Variants in BNC2 observed in about 807,000 individuals in gnomAD.
BNC2 encodes the protein basonuclin zinc finger protein 2.
Under a neutral mutation model 76.3 loss-of-function variants are expected in BNC2, and 20 were observed. That is an observed-to-expected ratio of 0.26 (90% confidence interval 0.18 to 0.38). BNC2 has a LOEUF of 0.38. Among genes scored for constraint, BNC2 ranks in the 10% least tolerant of loss-of-function variants. BNC2 has a pLI of 1.00. For missense variants in BNC2, 1,382 were observed against 1,399.8 expected (o/e 0.99, Z 0.20); for synonymous variants, 582 against 514.8 (o/e 1.13, Z -1.77).
intron 5 of BNC2, among the ~76,000 whole-genome samples, chr9:16,448,993 G>A (rs576626815): frequency 5.9e-5 from 9 of 152,098 alleles, no homozygotes; most frequent in South Asian, 2.1e-4. Flanking sequence ...ATATTTTATT[G>A]GGCCACAAAA....
intron 4 of BNC2, among the ~76,000 whole-genome samples, chr9:16,561,913 A>G (rs1229740284): frequency 6.6e-6 from 1 of 152,090 alleles, no homozygotes; most frequent in Admixed American, 6.6e-5. Context: ...CTGAGGTGGG[A>G]GGATCACTTG....
chr9:16,503,650 G>T (rs570055618), intron 5 of BNC2, among the ~76,000 whole-genome samples: 1 of 152,126 alleles, frequency 6.6e-6, no homozygotes, highest in Non-Finnish European at 1.5e-5. Flanking sequence ...TGATAATCTG[G>T]AAGAGTGGAC....
At chr9:16,667,998 A>T (rs961534799) in intron 3 of BNC2, among the ~76,000 whole-genome samples, 1 of 152,168 alleles carries the variant, frequency 6.6e-6, no homozygotes, top group Non-Finnish European at 1.5e-5. Flanking sequence ...TTATCACATC[A>T]AGCAATTATT....
In BNC2 at chr9:16,409,929, AAAAAGGAAT is replaced by A. The variant is rs1434458681; in HGVS notation, c.*9051_*9059del. On this transcript the variant is annotated 3_prime_UTR_variant, in exon 7 of 7. Transcript: ENST00000380672. ...TGCAGATGAGAACAATATAAACAAA[AAAAAGGAAT>A]AAACAGCTAAACTCTGGGAGAGGGA... 2 of 152,490 alleles carry A rather than the reference AAAAAGGAAT, an allele frequency of 1.3e-5. No homozygotes were observed. The highest frequency in any genetic ancestry group is 2.9e-5 in the Non-Finnish European group (2 of 68,034). The allele number at this position is 152,490 out of a possible 1,614,324, so 9.4% of individuals were successfully genotyped here. A position where few individuals can be genotyped will look rare whatever the true frequency, so the allele number is the denominator to read the frequency against.
intron 3 of BNC2, among the ~76,000 whole-genome samples, chr9:16,627,310 A>T (rs1821026088): frequency 6.6e-6 from 1 of 152,188 alleles, no homozygotes; most frequent in Admixed American, 6.5e-5. Flanking sequence ...ACAAAAGTAA[A>T]ACAACTCCAG....
At position 16,487,310 on chromosome 9, in the gene BNC2, A is replaced by G. The variant is rs185291137; in HGVS notation, c.670-49786T>C. ...TCTGAACGCTGACACCTAACAGGAC[A>G]TGGAGTGTTACTCTCGGGTCCTTAT... On this transcript the variant is annotated intron_variant, in intron 5 of 6. Coordinates refer to ENST00000380672, the MANE Select transcript of BNC2 (RefSeq NM_017637.6). 4.0e-3 allele frequency among the ~76,000 whole-genome samples: 607 copies of G among 152,340 alleles called. 2 individuals carry two copies. Among genetic ancestry groups the G allele is most frequent in the Middle Eastern group, 0.017 (5 of 294 alleles).
chr9:16,751,072 T>C (rs1330809440), intron 1 of BNC2, among the ~76,000 whole-genome samples: 3 of 152,148 alleles, frequency 2.0e-5, no homozygotes, highest in African/African-American at 7.2e-5. Context: ...AATATATCTG[T>C]CATCCCAGAA....
At chr9:16,442,594 T>G (rs1821149827) in intron 5 of BNC2, among the ~76,000 whole-genome samples, 1 of 152,072 alleles carries the variant, frequency 6.6e-6, no homozygotes, top group Non-Finnish European at 1.5e-5. Flanking sequence ...TGTGAAGAGA[T>G]GGAAGAGAAA....
intron 3 of BNC2, among the ~76,000 whole-genome samples, chr9:16,717,603 A>G (rs748956683): frequency 7.2e-5 from 11 of 152,208 alleles, no homozygotes; most frequent in Non-Finnish European, 1.3e-4. Context: ...AAGACTCACA[A>G]TTCACAAATT....
At chr9:16,822,373 A>AG (rs1818358313) in intron 1 of BNC2, among the ~76,000 whole-genome samples, 1 of 152,196 alleles carries the variant, frequency 6.6e-6, no homozygotes, top group African/African-American at 2.4e-5. Context: ...ACAGAAGTTA[A>AG]GAGACTTGCC....
At chr9:16,840,384 A>G (rs1297286116) in intron 1 of BNC2, among the ~76,000 whole-genome samples, 1 of 152,108 alleles carries the variant, frequency 6.6e-6, no homozygotes, top group East Asian at 1.9e-4. Flanking sequence ...TTTCATATCC[A>G]CGCAGTTAAT....
intron 3 of BNC2, among the ~76,000 whole-genome samples, chr9:16,586,949 AATT>A (rs1333251023): frequency 6.6e-6 from 1 of 152,164 alleles, no homozygotes; most frequent in Non-Finnish European, 1.5e-5. Context: ...TACAATAGTA[AATT>A]ATTACCTGTT....
At chr9:16,526,467 C>CTTTTT (rs144511624) in intron 5 of BNC2, among the ~76,000 whole-genome samples, 2 of 48,792 alleles carry the variant, frequency 4.1e-5, no homozygotes, top group Non-Finnish European at 7.4e-5. Context: ...TAGTTTAATG[C>CTTTTT]TTTTTTTTTT....
rs1010434427 is a variant in BNC2 at position 16,685,659 on chromosome 9, G to A, written c.330+42138C>T. The A allele has an allele frequency of 4.7e-6, 6 of 1,271,968 alleles. No homozygotes were observed. The African/African-American group carries it at 7.7e-5, about 16-fold the overall frequency. 78.8% of individuals were successfully genotyped at this position (1,271,968 alleles called of 1,614,324 possible). On this transcript the variant is annotated intron_variant, in intron 3 of 6. Transcript: ENST00000380672. ...GGAATACAGCCACGTTAGATGCTGT[G>A]TATGGAGGCTGCTGAGAACTGCACA...
intron 3 of BNC2, among the ~76,000 whole-genome samples, chr9:16,651,693 A>G (rs1563880790): frequency 2.0e-5 from 3 of 152,196 alleles, no homozygotes. Flanking sequence ...CTAGTCTGTT[A>G]CTGGCAATAA....
chr9:16,565,484 G>A lies in BNC2; in HGVS notation c.434-12719C>T, dbSNP rs550120443. On this transcript the variant is annotated intron_variant, in intron 4 of 6. Transcript: ENST00000380672. ...AAACAGCTATGATTTGGGCCCACTT[G>A]AAGTTAATACACTAGTGAAGAAAAC... Among the ~76,000 whole-genome samples the A allele has an allele frequency of 1.3e-4, 20 of 152,256 alleles. No homozygotes were observed. In the South Asian group the frequency reaches 3.7e-3, roughly 28 times the overall value.
intron 6 of BNC2, among the ~76,000 whole-genome samples, chr9:16,424,861 C>G (rs1650595896): frequency 6.6e-6 from 1 of 152,174 alleles, no homozygotes; most frequent in Non-Finnish European, 1.5e-5. Flanking sequence ...ATTACACTTA[C>G]CTCAACATTT....
intron 3 of BNC2, chr9:16,626,033 A>G (rs1358078102): frequency 6.6e-6 from 1 of 152,188 alleles, no homozygotes; most frequent in African/African-American, 2.4e-5. Flanking sequence ...CTTCTAATGG[A>G]TGAGGAGCTA....
In BNC2 at chr9:16,412,517, CTTAAG is replaced by C. The variant is rs1010831040; in HGVS notation, c.*6467_*6471del. On this transcript the variant is annotated 3_prime_UTR_variant, in exon 7 of 7. Coordinates refer to ENST00000380672, the MANE Select transcript of BNC2 (RefSeq NM_017637.6). ...TACTCTCAAGATGGAATTGTTAACA[CTTAAG>C]TTTTCAAAGAAGCAAAGGATGCCGT... 2.6e-5 allele frequency: 4 copies of C among 152,562 alleles called. No individual in the cohort carries two copies. Among genetic ancestry groups the C allele is most frequent in the Admixed American group, 2.6e-4 (4 of 15,284 alleles). The allele number at this position is 152,562 out of a possible 1,614,324, so 9.5% of individuals were successfully genotyped here.
Sources: gnomAD v4.1 joint callset for allele counts (sites outside exome capture counted in the v4.1 genomes callset) on GRCh38, gnomAD v4.1.1 for gene constraint, MANE v1.5 for transcripts, NCBI Gene and HGNC (gene_info 2026-07-23, HGNC 2026-07-21) for gene names.